The following DGKB variants were observed in gnomAD, a reference collection of about 807,000 sequenced individuals.
DGKB encodes 90 kDa diacylglycerol kinase.
In DGKB, 67 loss-of-function variants were observed where a neutral mutation model predicts 114.3. The ratio of observed to expected loss-of-function variants is 0.59; its 90% confidence interval spans 0.48 to 0.72. DGKB has a LOEUF of 0.72. Among genes scored for constraint, DGKB ranks in the 30% least tolerant of loss-of-function variants. The probability of loss-of-function intolerance (pLI) is 0.00; values close to 1 mark genes in which losing one functional copy is unlikely to be tolerated. For missense variants in DGKB, 907 were observed against 975.2 expected, an observed-to-expected ratio of 0.93 and a Z score of 0.93; for synonymous variants, 398 against 323.1, an observed-to-expected ratio of 1.23 and a Z score of -2.49.
intron 4 of DGKB, chr7:14,750,007 A>G: frequency 2.2e-6 from 1 of 446,660 alleles, no homozygotes; most frequent in South Asian, 1.6e-5. Context: ...ACAGGTCCTC[A>G]TTATGTAACA....
intron 13 of DGKB, among the ~76,000 whole-genome samples, chr7:14,664,329 C>T (rs932732015): frequency 3.3e-5 from 5 of 152,020 alleles, no homozygotes; most frequent in African/African-American, 9.7e-5. Context: ...TGTCTCTTGA[C>T]TATTCACATT....
intron 9 of DGKB, among the ~76,000 whole-genome samples, chr7:14,689,194 C>CTATTTTTTTTTTTTTTTTTTT (rs1563917251): frequency 1.1e-5 from 1 of 92,330 alleles, no homozygotes; most frequent in Non-Finnish European, 2.3e-5. Flanking sequence ...ACAGAAACTC[C>CTATTTTTTTTTTTTTTTTTTT]TCTTATTTTT....
In DGKB at chr7:14,146,584, A is replaced by T. The variant is rs1376615240; in HGVS notation, c.*2547T>A. On this transcript the variant is annotated 3_prime_UTR_variant, in exon 26 of 26. Transcript: ENST00000402815. ...TATATTTTTCATATGAAGCTGTCAT[A>T]AAACTGATGAGAATATCTTCTCTGA... 5 of 152,184 alleles carry T rather than the reference A, an allele frequency of 3.3e-5. No homozygotes were observed. The highest frequency in any genetic ancestry group is 3.2e-3 in the Middle Eastern group (1 of 316). 9.4% of individuals were successfully genotyped at this position (152,184 alleles called of 1,614,324 possible). A position where few individuals can be genotyped will look rare whatever the true frequency, so the allele number is the denominator to read the frequency against.
intron 6 of DGKB, among the ~76,000 whole-genome samples, chr7:14,716,506 T>C (rs1828208567): frequency 1.3e-5 from 2 of 152,358 alleles, no homozygotes; most frequent in South Asian, 4.1e-4. Context: ...ATTCTTCTGG[T>C]CTATATTGTA....
intron 23 of DGKB, among the ~76,000 whole-genome samples, chr7:14,297,755 A>G (rs1802832430): frequency 6.6e-6 from 1 of 152,188 alleles, no homozygotes; most frequent in Non-Finnish European, 1.5e-5. Context: ...GGAAGAGAGG[A>G]AATCAAATTG....
intron 20 of DGKB, among the ~76,000 whole-genome samples, chr7:14,491,595 C>A (rs1293893540): frequency 6.6e-6 from 1 of 152,074 alleles, no homozygotes; most frequent in African/African-American, 2.4e-5. Flanking sequence ...ATGCCATTAG[C>A]ATCCAATATT....
At chr7:14,381,636 T>C (rs1371157278) in intron 21 of DGKB, among the ~76,000 whole-genome samples, 1 of 152,124 alleles carries the variant, frequency 6.6e-6, no homozygotes, top group Admixed American at 6.5e-5. Context: ...TCTTTAGAGA[T>C]GCCCAGGCTG....
rs529277791 is a variant in DGKB at position 14,230,184 on chromosome 7, G to A, written c.2123-52033C>T. Among the ~76,000 whole-genome samples the A allele has an allele frequency of 4.5e-4, 69 of 152,082 alleles. 1 individual carries two copies. Among genetic ancestry groups the A allele is most frequent in the Non-Finnish European group, 7.7e-4 (52 of 67,924 alleles). On this transcript the variant is annotated intron_variant, in intron 23 of 25. Coordinates refer to ENST00000402815, the MANE Select transcript of DGKB (RefSeq NM_001350709.2). Reference sequence around the variant, plus strand: ...TCAAAACAACAAAAGTAGAGTTCATGTGCAATAAACTGAAGTACTTTGTCT... The same window carrying A: ...TCAAAACAACAAAAGTAGAGTTCATATGCAATAAACTGAAGTACTTTGTCT...
intron 2 of DGKB, among the ~76,000 whole-genome samples, chr7:14,765,899 T>G (rs995893217): frequency 6.6e-6 from 1 of 151,948 alleles, no homozygotes; most frequent in African/African-American, 2.4e-5. Context: ...GGGTGCCTAC[T>G]GTAGTGTTTG....
intron 1 of DGKB, among the ~76,000 whole-genome samples, chr7:14,953,636 G>A (rs1021603107): frequency 3.9e-5 from 6 of 152,068 alleles, no homozygotes; most frequent in African/African-American, 1.4e-4. Flanking sequence ...AAACATTTTG[G>A]CAGATCCTCA....
At chr7:14,942,220 T>C (rs1175627395) in intron 1 of DGKB, among the ~76,000 whole-genome samples, 3 of 151,922 alleles carry the variant, frequency 2.0e-5, no homozygotes, top group African/African-American at 7.2e-5. Context: ...AATCTGACTA[T>C]TGCTAATGAC....
At chr7:14,973,170 G>A (rs1454855744) in intron 1 of DGKB, among the ~76,000 whole-genome samples, 4 of 151,800 alleles carry the variant, frequency 2.6e-5, no homozygotes, top group East Asian at 3.9e-4. Context: ...AAATCCTCCC[G>A]TCTTGAAGTT....
intron 23 of DGKB, among the ~76,000 whole-genome samples, chr7:14,256,577 C>G (rs1796002834): frequency 6.6e-6 from 1 of 151,778 alleles, no homozygotes; most frequent in Non-Finnish European, 1.5e-5. Flanking sequence ...ATGAAATGAT[C>G]TGTTTTACAT....
chr7:14,870,488 A>G (rs2128194954), intron 1 of DGKB, among the ~76,000 whole-genome samples: 1 of 152,296 alleles, frequency 6.6e-6, no homozygotes, highest in Middle Eastern at 3.4e-3. Context: ...TGTTAACATT[A>G]TATTTTACTT....
intron 20 of DGKB, among the ~76,000 whole-genome samples, chr7:14,570,266 C>T (rs939622581): frequency 3.9e-5 from 6 of 151,984 alleles, no homozygotes; most frequent in East Asian, 1.9e-4. Flanking sequence ...GCTAACATTA[C>T]GAATTTTTGT....
chr7:14,247,011 G>A (rs904900126), intron 23 of DGKB, among the ~76,000 whole-genome samples: 1 of 151,998 alleles, frequency 6.6e-6, no homozygotes, highest in Non-Finnish European at 1.5e-5. Flanking sequence ...CACTGGCAAT[G>A]ATCTTTCTAT....
chr7:14,782,100 C>A (rs1207489246), intron 2 of DGKB, among the ~76,000 whole-genome samples: 1 of 151,142 alleles, frequency 6.6e-6, no homozygotes, highest in Non-Finnish European at 1.5e-5. Flanking sequence ...TCTCGGCTCA[C>A]TGCAACCTCT....
chr7:14,840,358 C>T (rs1196803586), intron 2 of DGKB, among the ~76,000 whole-genome samples: 1 of 151,982 alleles, frequency 6.6e-6, no homozygotes, highest in African/African-American at 2.4e-5. Flanking sequence ...TCTTTTGGTG[C>T]CTGCTATTAA....
At chr7:14,614,346 C>T (rs1378831392) in intron 15 of DGKB, among the ~76,000 whole-genome samples, 2 of 151,974 alleles carry the variant, frequency 1.3e-5, no homozygotes, top group Non-Finnish European at 2.9e-5. Context: ...AAAAGTATTC[C>T]TATTCAATGT....
Sources: allele counts gnomAD v4.1 joint callset (sites outside exome capture counted in the v4.1 genomes callset), GRCh38; gene constraint gnomAD v4.1.1; transcripts MANE v1.5; gene names NCBI Gene and HGNC (gene_info 2026-07-23, HGNC 2026-07-21).